Variants in AGAP1 observed in about 807,000 individuals in gnomAD.
AGAP1 encodes the protein ArfGAP with GTPase domain, ankyrin repeat and PH domain 1, also known as arf-GAP with GTPase, ANK repeat and PH domain-containing protein 1.
AGAP1 carries 29 observed loss-of-function variants against 105.3 expected under a neutral mutation model. The observed-to-expected ratio is 0.28, with a 90% CI of 0.21 to 0.38. The LOEUF (loss-of-function observed/expected upper bound fraction) is 0.38. AGAP1 is among the 10% of genes least tolerant of loss of function. The pLI is 1.00. For synonymous variants in AGAP1, 509 were observed against 485.9 expected (o/e 1.05, Z -0.63); for missense variants, 998 against 1,165.1 (o/e 0.86, Z 2.09).
chr2:235,935,773 C>T (rs1010317867), intron 12 of AGAP1, among the ~76,000 whole-genome samples: 1 of 152,238 alleles, frequency 6.6e-6, no homozygotes, highest in Non-Finnish European at 1.5e-5. Context: ...TAATCATTTC[C>T]TCCATAGGTA....
intron 16 of AGAP1, among the ~76,000 whole-genome samples, chr2:236,069,089 T>G (rs1396605507): frequency 6.6e-6 from 1 of 151,036 alleles, no homozygotes; most frequent in East Asian, 2.0e-4. Flanking sequence ...ATCACGCTAG[T>G]GCGCTCCAGC....
At chr2:235,722,080 G>A (rs1475463797) in intron 3 of AGAP1, among the ~76,000 whole-genome samples, 2 of 152,220 alleles carry the variant, frequency 1.3e-5, no homozygotes, top group African/African-American at 4.8e-5. Context: ...ACTCCATAGA[G>A]AGCTTGTGAT....
intron 1 of AGAP1, among the ~76,000 whole-genome samples, chr2:235,652,633 C>A (rs771081741): frequency 6.6e-6 from 1 of 151,922 alleles, no homozygotes; most frequent in East Asian, 1.9e-4. Flanking sequence ...GGCTCACACC[C>A]GTAATCCCAG....
At chr2:235,597,209 C>T (rs891935246) in intron 1 of AGAP1, among the ~76,000 whole-genome samples, 7 of 152,232 alleles carry the variant, frequency 4.6e-5, no homozygotes, top group Non-Finnish European at 7.3e-5. Flanking sequence ...GCGTTGTCAC[C>T]CTTGTTGCCC....
chr2:235,827,484 T>C (rs566149139), intron 9 of AGAP1, among the ~76,000 whole-genome samples: 1 of 152,334 alleles, frequency 6.6e-6, no homozygotes, highest in South Asian at 2.1e-4. Flanking sequence ...CTAATACTTG[T>C]ACTAATAATT....
intron 13 of AGAP1, among the ~76,000 whole-genome samples, chr2:235,986,481 C>A (rs1423047223): frequency 1.3e-5 from 2 of 152,010 alleles, no homozygotes; most frequent in East Asian, 3.9e-4. Flanking sequence ...CTTGCCTGAT[C>A]GTCCTGACCA....
rs1351635211 is a variant in AGAP1, at chr2:235,908,656, G to A, written c.1156-82G>A. On this transcript the variant is annotated intron_variant, in intron 10 of 17. Transcript: ENST00000304032. This position sits in a 1 kb window ranked among gnomAD's most constrained non-coding sequence, Gnocchi z 4.4. ...GGGTCATAGGGTTTTAACTCATGAC[G>A]TCTGATAGACCCTTTTGTTCTAGGT... 49 of 1,347,898 alleles carry A rather than the reference G, an allele frequency of 3.6e-5. No individual in the cohort carries two copies. In the East Asian group the frequency reaches 7.9e-4, roughly 22 times the overall value. 83.5% of individuals were successfully genotyped at this position (1,347,898 alleles called of 1,614,324 possible). A position where few individuals can be genotyped will look rare whatever the true frequency, so the allele number is the denominator to read the frequency against.
chr2:235,977,003 G>T lies in AGAP1; in HGVS notation c.1645+8380G>T, dbSNP rs948169705. Among the ~76,000 whole-genome samples, 1 of 152,166 alleles carries T rather than the reference G, an allele frequency of 6.6e-6. No individual in the cohort carries two copies. The highest frequency in any genetic ancestry group is 1.5e-5 in the Non-Finnish European group (1 of 68,040). On this transcript the variant is annotated intron_variant, in intron 13 of 17. Coordinates refer to ENST00000304032, the MANE Select transcript of AGAP1 (RefSeq NM_001037131.3). The surrounding 1 kb of genome is among the most constrained non-coding windows in gnomAD (Gnocchi z 5.2). Reference sequence around the variant, plus strand: ...CATAAACTCACCTTTGAAAAATGCTGACTACTCACAAGGTCCCTTTCTAAG... The same window carrying T: ...CATAAACTCACCTTTGAAAAATGCTTACTACTCACAAGGTCCCTTTCTAAG...
At position 235,989,554 on chromosome 2, in the gene AGAP1, G is replaced by A. The variant is rs2055471348; in HGVS notation, c.1645+20931G>A. On this transcript the variant is annotated intron_variant, in intron 13 of 17. Coordinates refer to ENST00000304032, the MANE Select transcript of AGAP1 (RefSeq NM_001037131.3). This position sits in a 1 kb window ranked among gnomAD's most constrained non-coding sequence, Gnocchi z 4.4. The stretch of plus-strand genomic sequence containing the variant: ...GGCACACTGGTGGCGTAGCTGAGGG[G>A]CTGCCTGCGTGCAAGGAGGACATGA... 6.6e-6 allele frequency among the ~76,000 whole-genome samples: 1 copy of A among 152,166 alleles called. No individual in the cohort carries two copies. The highest frequency in any genetic ancestry group is 6.5e-5 in the Admixed American group (1 of 15,282).
At chr2:236,024,402 T>C (rs183720342) in intron 13 of AGAP1, among the ~76,000 whole-genome samples, 14 of 152,242 alleles carry the variant, frequency 9.2e-5, no homozygotes, top group Admixed American at 7.2e-4. Context: ...TCTTGGCCTT[T>C]GCAAGAGCAC....
At chr2:235,902,278 G>A (rs2051100737) in intron 10 of AGAP1, among the ~76,000 whole-genome samples, 1 of 152,164 alleles carries the variant, frequency 6.6e-6, no homozygotes, top group South Asian at 2.1e-4. Context: ...TATTCCTCTT[G>A]CACACTTCAC....
intron 1 of AGAP1, among the ~76,000 whole-genome samples, chr2:235,598,201 C>T (rs1945604546): frequency 1.3e-5 from 2 of 152,176 alleles, no homozygotes. Context: ...GCATCCCAGT[C>T]TGAGTGAGTT....
rs972422180 is a variant in AGAP1 at position 235,927,333 on chromosome 2, G to A, written c.1325-3432G>A. ...TCCTTGGGGACTCTCTCAGGAGGCA[G>A]AAGGTGGGCTCTGAGCCACACCCTC... On this transcript the variant is annotated intron_variant, in intron 11 of 17. Coordinates refer to ENST00000304032, the MANE Select transcript of AGAP1 (RefSeq NM_001037131.3). The surrounding 1 kb of genome is among the most constrained non-coding windows in gnomAD (Gnocchi z 4.4). 6.6e-6 allele frequency among the ~76,000 whole-genome samples: 1 copy of A among 152,242 alleles called. No individual in the cohort carries two copies. Among genetic ancestry groups the A allele is most frequent in the Non-Finnish European group, 1.5e-5 (1 of 68,040 alleles).
intron 1 of AGAP1, among the ~76,000 whole-genome samples, chr2:235,512,621 C>A (rs1942197110): frequency 6.6e-6 from 1 of 152,082 alleles, no homozygotes; most frequent in African/African-American, 2.4e-5. Flanking sequence ...ATCAATCAGT[C>A]AATCCATGCG....
At chr2:235,850,860 T>A (rs888122224) in intron 9 of AGAP1, among the ~76,000 whole-genome samples, 1 of 152,102 alleles carries the variant, frequency 6.6e-6, no homozygotes, top group South Asian at 2.1e-4. Flanking sequence ...CAGGGAGCAA[T>A]GGGTTTCCAG....
rs1041143481 is a variant in AGAP1 at position 235,639,135 on chromosome 2, G to A, written c.164-70044G>A. Among the ~76,000 whole-genome samples the A allele has an allele frequency of 6.6e-6, 1 of 152,150 alleles. No individual in the cohort carries two copies. The highest frequency in any genetic ancestry group is 1.5e-5 in the Non-Finnish European group (1 of 68,040). On this transcript the variant is annotated intron_variant, in intron 1 of 17. Coordinates refer to ENST00000304032, the MANE Select transcript of AGAP1 (RefSeq NM_001037131.3). This position sits in a 1 kb window ranked among gnomAD's most constrained non-coding sequence, Gnocchi z 5.3. ...GAATTTGGTCAAGGCAGGAATGAGG[G>A]TGGATGTGGGGCATGGGGAATTGGA...
At chr2:236,077,097 G>A (rs1422947352) in intron 16 of AGAP1, among the ~76,000 whole-genome samples, 13 of 140,220 alleles carry the variant, frequency 9.3e-5, no homozygotes, top group African/African-American at 3.4e-4. Context: ...GCAACATAGT[G>A]AGACCCTGTC....
At position 236,096,613 on chromosome 2, in the gene AGAP1, T is replaced by A. The variant is rs1315262853; in HGVS notation, c.2115-23579T>A. Among the ~76,000 whole-genome samples the A allele has an allele frequency of 6.6e-6, 1 of 151,946 alleles. No individual in the cohort carries two copies. The highest frequency in any genetic ancestry group is 1.5e-5 in the Non-Finnish European group (1 of 67,996). On this transcript the variant is annotated intron_variant, in intron 16 of 17. Transcript: ENST00000304032. The surrounding 1 kb of genome is among the most constrained non-coding windows in gnomAD (Gnocchi z 4.4). ...ATTTTTTTGGGACAGAGTCTCGCTC[T>A]TGTCACCCAGGCTGGAGTGCAGTGG...
At chr2:236,029,519 C>A (rs2057160941) in intron 13 of AGAP1, among the ~76,000 whole-genome samples, 1 of 151,632 alleles carries the variant, frequency 6.6e-6, no homozygotes, top group Admixed American at 6.6e-5. Flanking sequence ...CTCCTGACCT[C>A]AGATGATCCA....
Sources: gnomAD v4.1 joint callset for allele counts (sites outside exome capture counted in the v4.1 genomes callset) on GRCh38, gnomAD v4.1.1 for gene constraint, Gnocchi (gnomAD v3.1) non-coding constraint, MANE v1.5 for transcripts, NCBI Gene and HGNC (gene_info 2026-07-23, HGNC 2026-07-21) for gene names.